Variants in C9 observed in about 807,000 individuals in gnomAD.
C9 encodes complement C9, also known as complement component C9.
A neutral mutation model predicts 65.4 loss-of-function variants in C9; 63 were observed. That is an observed-to-expected ratio of 0.96 (90% CI 0.79 to 1.19). The LOEUF (loss-of-function observed/expected upper bound fraction) is 1.19, where lower values mean the gene tolerates loss of function less well. Among genes scored for constraint, C9 ranks in the 50% most tolerant of loss-of-function variants. The pLI is 0.00. For missense variants in C9, 744 were observed against 670.1 expected (o/e 1.11, Z -1.22); for synonymous variants, 229 against 227.9 (o/e 1.00, Z -0.04).
Position 39,285,169 on chromosome 5 carries a change from T to C in C9, c.*30A>G. The C allele has an allele frequency of 1.2e-6, 2 of 1,601,476 alleles. No homozygotes were observed. The highest frequency in any genetic ancestry group is 1.1e-5 in the South Asian group (1 of 90,816). ...ATCTGAAGGTACTAGTGTTTTCTTCTTCCACTGGAGCTCAGAGAAGCCAAC... is the reference window on the plus strand; with the variant it reads ...ATCTGAAGGTACTAGTGTTTTCTTCCTCCACTGGAGCTCAGAGAAGCCAAC... On this transcript the variant is annotated 3_prime_UTR_variant, in exon 11 of 11. Transcript: ENST00000263408.
intron 1 of C9, among the ~76,000 whole-genome samples, chr5:39,357,875 G>A (rs1403633686): frequency 6.6e-6 from 1 of 152,178 alleles, no homozygotes; most frequent in Non-Finnish European, 1.5e-5. Context: ...GGTTACAAAA[G>A]GCCATGCAAA....
In C9 at chr5:39,315,969, T is replaced by C. The variant is rs745635536; in HGVS notation, c.676A>G (p.Ser226Gly). Residue 226 changes from serine (S) to glycine (G), a missense_variant, in exon 6 of 11, where the codon AGT becomes GGT. By Grantham distance (56) the Ser-to-Gly change is moderately conservative (BLOSUM62 0). Coordinates refer to ENST00000263408, the MANE Select transcript of C9 (RefSeq NM_001737.5). ...TTTGATGTCTTCTCTTGGATGATAC[T>C]TTTAAATGCTTCAATTTGTTCTTCG... ...HYEEQIEAFKSIIQEKTSNFN... is the reference protein window; with the variant it reads ...HYEEQIEAFKGIIQEKTSNFN... The C allele has an allele frequency of 1.2e-6, 2 of 1,611,182 alleles. No homozygotes were observed. Among genetic ancestry groups the C allele is most frequent in the Admixed American group, 1.7e-5 (1 of 59,976 alleles).
chr5:39,351,027 T>C (rs749131726), intron 1 of C9, among the ~76,000 whole-genome samples: 18 of 152,314 alleles, frequency 1.2e-4, no homozygotes, highest in Non-Finnish European at 2.1e-4. Context: ...TTCTCTGAAA[T>C]CTAGGTTGAG....
chr5:39,324,450 C>T (rs1753716298), intron 5 of C9, among the ~76,000 whole-genome samples: 2 of 152,152 alleles, frequency 1.3e-5, no homozygotes, highest in Admixed American at 1.3e-4. Flanking sequence ...TGTGAAATGA[C>T]TAGAAAGGAA....
chr5:39,328,053 G>T (rs748669873), intron 5 of C9, among the ~76,000 whole-genome samples: 2 of 152,124 alleles, frequency 1.3e-5, no homozygotes, highest in Non-Finnish European at 2.9e-5. Context: ...ATATATGAAG[G>T]CCAGAGTGGA....
intron 1 of C9, among the ~76,000 whole-genome samples, chr5:39,346,017 A>G (rs930232544): frequency 2.0e-5 from 3 of 152,238 alleles, no homozygotes; most frequent in Non-Finnish European, 4.4e-5. Flanking sequence ...ACACATTCAA[A>G]GGAGTGTGTA....
At chr5:39,348,813 C>T (rs1362802987) in intron 1 of C9, among the ~76,000 whole-genome samples, 2 of 152,142 alleles carry the variant, frequency 1.3e-5, no homozygotes, top group Non-Finnish European at 2.9e-5. Flanking sequence ...ATATATGGCA[C>T]ATATACACCA....
intron 4 of C9, among the ~76,000 whole-genome samples, chr5:39,338,922 C>T (rs189781906): frequency 3.3e-4 from 51 of 152,258 alleles, no homozygotes; most frequent in Admixed American, 2.7e-3. Flanking sequence ...CTAAATGGGC[C>T]AATATTTCTA....
rs771605119 is a variant in C9 at position 39,288,738 on chromosome 5, G to A, written c.1630C>T (p.Gln544Ter). 1.9e-6 allele frequency: 3 copies of A among 1,606,274 alleles called. No individual in the cohort carries two copies. The highest frequency in any genetic ancestry group is 1.7e-5 in the Admixed American group (1 of 59,776). ...FEGIACEISK[Q>*]KISEGLPALE... ...TTGTCCTCACCTTCAGAAATTTTTT[G>A]TTTACTGATTTCACAGGCAATTCCC... The change falls in exon 10 of 11, where the codon CAA (glutamine) becomes TAA (stop). Residue 544 changes from glutamine (Q) to a stop codon, truncating the protein, a stop_gained. Coordinates refer to ENST00000263408, the MANE Select transcript of C9 (RefSeq NM_001737.5). LOFTEE classifies it high-confidence loss of function.
intron 9 of C9, among the ~76,000 whole-genome samples, chr5:39,295,621 A>C (rs779539822): frequency 2.6e-5 from 4 of 151,810 alleles, no homozygotes; most frequent in Admixed American, 2.6e-4. Context: ...GATTCAGTGC[A>C]ATCTCTATCA....
intron 9 of C9, among the ~76,000 whole-genome samples, chr5:39,295,756 G>A (rs1455106291): frequency 4.0e-5 from 6 of 151,392 alleles, no homozygotes; most frequent in African/African-American, 7.3e-5. Context: ...ACAAAGCTAG[G>A]AGTATCGCAT....
chr5:39,297,378 A>T (rs968476772), intron 9 of C9, among the ~76,000 whole-genome samples: 68 of 151,672 alleles, frequency 4.5e-4, no homozygotes, highest in Non-Finnish European at 8.4e-4. Flanking sequence ...TACAGATTTT[A>T]ATTTAACTGT....
At chr5:39,317,807 A>T (rs1004836477) in intron 5 of C9, among the ~76,000 whole-genome samples, 5 of 151,974 alleles carry the variant, frequency 3.3e-5, no homozygotes, top group Non-Finnish European at 7.4e-5. Context: ...TTTTGCTTAG[A>T]ATTATCTTGG....
At chr5:39,342,916 T>C (rs558863) in intron 1 of C9, among the ~76,000 whole-genome samples, 143,828 of 152,182 alleles carry the variant, frequency 0.95, 68,202 homozygotes, top group Non-Finnish European at 0.99. Context: ...CTGGTTGAAA[T>C]ATCACCCAGG....
intron 6 of C9, among the ~76,000 whole-genome samples, chr5:39,315,284 C>T (rs1262661518): frequency 1.3e-5 from 2 of 152,026 alleles, no homozygotes; most frequent in East Asian, 3.9e-4. Flanking sequence ...AAATCTGGTT[C>T]AAATATTTTA....
In C9 at chr5:39,306,648, A is replaced by G; in HGVS notation, c.1385T>C (p.Ile462Thr). The G allele has an allele frequency of 5.6e-6, 9 of 1,613,816 alleles. No homozygotes were observed. Among genetic ancestry groups the G allele is most frequent in the Non-Finnish European group, 7.6e-6 (9 of 1,179,746 alleles). ...ACTAATGAGAACAGGAGCATCATTTATGGAAGAGGCCCAGTTGACAAAGTC... is the reference window on the plus strand; with the variant it reads ...ACTAATGAGAACAGGAGCATCATTTGTGGAAGAGGCCCAGTTGACAAAGTC... ...VTDFVNWASS[I>T]NDAPVLISQK... Residue 462 changes from isoleucine to threonine, a missense_variant, in exon 9 of 11, where the codon ATA (isoleucine) becomes ACA (threonine). Coordinates refer to ENST00000263408, the MANE Select transcript of C9 (RefSeq NM_001737.5).
chr5:39,304,922 A>C (rs1753346784), intron 9 of C9, among the ~76,000 whole-genome samples: 1 of 152,132 alleles, frequency 6.6e-6, no homozygotes, highest in South Asian at 2.1e-4. Flanking sequence ...TGCCTTATTT[A>C]CTTGAGATTT....
At chr5:39,322,033 A>G (rs980060612) in intron 5 of C9, among the ~76,000 whole-genome samples, 1 of 152,104 alleles carries the variant, frequency 6.6e-6, no homozygotes, top group East Asian at 1.9e-4. Context: ...CATTCCATCC[A>G]AAGTAACATA....
At chr5:39,345,802 G>T (rs2111963702) in intron 1 of C9, among the ~76,000 whole-genome samples, 1 of 152,278 alleles carries the variant, frequency 6.6e-6, no homozygotes, top group Non-Finnish European at 1.5e-5. Context: ...TAAAAGAACA[G>T]AAATTATAAC....
Sources: gnomAD v4.1 joint callset for allele counts (sites outside exome capture counted in the v4.1 genomes callset) on GRCh38, gnomAD v4.1.1 for gene constraint, MANE v1.5 for transcripts, NCBI Gene and HGNC (gene_info 2026-07-23, HGNC 2026-07-21) for gene names.